Variants in KPNA1 observed in about 807,000 individuals in gnomAD.
KPNA1 encodes importin subunit alpha-5.
Under a neutral mutation model 70.5 loss-of-function variants are expected in KPNA1, and 10 were observed. The observed-to-expected ratio is 0.14, with a 90% CI of 0.09 to 0.24. The LOEUF (loss-of-function observed/expected upper bound fraction) is 0.24, where lower values mean the gene tolerates loss of function less well. KPNA1 is among the 10% of genes least tolerant of loss of function. The pLI is 1.00. For synonymous variants in KPNA1, 192 were observed against 221.9 expected (o/e 0.87, Z 1.20); for missense variants, 397 against 637.9 (o/e 0.62, Z 4.07).
intron 1 of KPNA1, among the ~76,000 whole-genome samples, chr3:122,508,943 T>C (rs537134786): frequency 1.3e-5 from 2 of 152,148 alleles, no homozygotes; most frequent in African/African-American, 4.8e-5. Flanking sequence ...AACACAAATA[T>C]ACTATAAAAT....
At chr3:122,431,459 G>A (rs1394144191) in intron 12 of KPNA1, among the ~76,000 whole-genome samples, 1 of 152,134 alleles carries the variant, frequency 6.6e-6, no homozygotes, top group South Asian at 2.1e-4. Flanking sequence ...ACCCGGCCAA[G>A]ATATTTCCTA....
intron 2 of KPNA1, among the ~76,000 whole-genome samples, chr3:122,488,028 G>T (rs1473120417): frequency 6.6e-6 from 1 of 152,106 alleles, no homozygotes; most frequent in Non-Finnish European, 1.5e-5. Flanking sequence ...TCTGAATGTT[G>T]ACTAGATGCT....
intron 11 of KPNA1, among the ~76,000 whole-genome samples, chr3:122,435,780 T>C (rs550934624): frequency 6.6e-6 from 1 of 152,372 alleles, no homozygotes; most frequent in Non-Finnish European, 1.5e-5. Flanking sequence ...TTCCTATGCC[T>C]ATCTTTACTT....
At chr3:122,451,721 A>C in intron 7 of KPNA1, 88 bp from the exon 8 acceptor site, 1 of 868,540 alleles carries the variant, frequency 1.2e-6, no homozygotes, top group South Asian at 1.6e-5. Context: ...CTTTTGATAA[A>C]GAGATGTCTT....
chr3:122,495,166 C>T (rs930556850), intron 2 of KPNA1, among the ~76,000 whole-genome samples: 1 of 149,796 alleles, frequency 6.7e-6, no homozygotes, highest in African/African-American at 2.5e-5. Context: ...AGGAGAATCG[C>T]TTGAACCTGG....
At chr3:122,492,561 T>C (rs2076712328) in intron 2 of KPNA1, among the ~76,000 whole-genome samples, 1 of 152,236 alleles carries the variant, frequency 6.6e-6, no homozygotes, top group African/African-American at 2.4e-5. Context: ...TTTTTTCATA[T>C]GGAAGCTTCA....
chr3:122,501,290 T>C (rs1048440032), intron 1 of KPNA1, among the ~76,000 whole-genome samples: 14 of 152,178 alleles, frequency 9.2e-5, no homozygotes, highest in Admixed American at 8.5e-4. Context: ...CGTCCTGAAG[T>C]GCTGGGATTA....
intron 9 of KPNA1, chr3:122,442,914 A>T (rs9881393): frequency 0.61 from 92,237 of 152,150 alleles, 28,283 homozygotes; most frequent in East Asian, 0.77. Context: ...TTTCTGCATC[A>T]CCAACTGAGG....
intron 10 of KPNA1, 89 bp from the exon 11 acceptor site, chr3:122,437,384 C>G (rs999593786): frequency 3.3e-6 from 3 of 916,536 alleles, no homozygotes; most frequent in African/African-American, 3.4e-5. Context: ...AAAGACATAA[C>G]ATCTCCCCTT....
intron 6 of KPNA1, among the ~76,000 whole-genome samples, chr3:122,453,481 C>T (rs139569774): frequency 1.5e-4 from 23 of 152,248 alleles, no homozygotes; most frequent in Non-Finnish European, 3.1e-4. Flanking sequence ...ACTGGTGAAA[C>T]TCAGCCCCTT....
At chr3:122,436,119 G>T (rs371692312) in intron 11 of KPNA1, among the ~76,000 whole-genome samples, 2 of 152,198 alleles carry the variant, frequency 1.3e-5, no homozygotes, top group African/African-American at 4.8e-5. Flanking sequence ...CTCTGGGACT[G>T]TCTGTCTTAT....
intron 12 of KPNA1, among the ~76,000 whole-genome samples, chr3:122,431,914 C>A (rs572739648): frequency 6.6e-6 from 1 of 152,084 alleles, no homozygotes; most frequent in East Asian, 1.9e-4. Flanking sequence ...AGCGATTCTC[C>A]AGTCTCAGCC....
At chr3:122,460,965 A>C (rs1460686915) in intron 5 of KPNA1, among the ~76,000 whole-genome samples, 2 of 152,118 alleles carry the variant, frequency 1.3e-5, no homozygotes, top group Admixed American at 6.5e-5. Context: ...CTCTGCTGTA[A>C]ACATTTCCCT....
Position 122,509,576 on chromosome 3 carries a change from A to T in KPNA1, c.-6+5181T>A, listed in dbSNP as rs115806644. Among the ~76,000 whole-genome samples, 1,118 of 152,306 alleles carry T rather than the reference A, an allele frequency of 7.3e-3. 13 individuals are homozygous for T. Among genetic ancestry groups the T allele is most frequent in the African/African-American group, 0.025 (1,050 of 41,564 alleles). ...AACAAAACAGAAAGATCCCCAAATC[A>T]ATGTTGAATAAAAAAGAAAAAGACC... On this transcript the variant is annotated intron_variant, in intron 1 of 13. Coordinates refer to ENST00000344337, the MANE Select transcript of KPNA1 (RefSeq NM_002264.4).
chr3:122,508,459 C>G (rs986075269), intron 1 of KPNA1, among the ~76,000 whole-genome samples: 1 of 152,218 alleles, frequency 6.6e-6, no homozygotes, highest in African/African-American at 2.4e-5. Flanking sequence ...CTCCTCCACT[C>G]TTCACAACCA....
At chr3:122,447,048 A>T (rs897600074) in intron 9 of KPNA1, among the ~76,000 whole-genome samples, 28 of 152,246 alleles carry the variant, frequency 1.8e-4, no homozygotes, top group Admixed American at 1.5e-3. Flanking sequence ...AACCAAAAAA[A>T]GCCCAGGACC....
chr3:122,430,508 T>C (rs1280680807), intron 12 of KPNA1, among the ~76,000 whole-genome samples: 3 of 101,918 alleles, frequency 2.9e-5, no homozygotes, highest in South Asian at 6.1e-4. Context: ...TCCTATACTG[T>C]ACTACCAGTG....
chr3:122,476,805 C>T (rs944887824), intron 2 of KPNA1, among the ~76,000 whole-genome samples: 2 of 127,758 alleles, frequency 1.6e-5, no homozygotes, highest in Non-Finnish European at 3.1e-5. Flanking sequence ...CCTTGCACAT[C>T]GCTGGTGGGA....
chr3:122,508,124 A>G (rs925900939), intron 1 of KPNA1, among the ~76,000 whole-genome samples: 9 of 152,224 alleles, frequency 5.9e-5, no homozygotes, highest in African/African-American at 2.2e-4. Context: ...CTAAAATTAT[A>G]AAGAAATTTT....
Sources: allele counts gnomAD v4.1 joint callset (sites outside exome capture counted in the v4.1 genomes callset), GRCh38; gene constraint gnomAD v4.1.1; transcripts MANE v1.5; gene names NCBI Gene and HGNC (gene_info 2026-07-23, HGNC 2026-07-21).